The following SYNPO variants were observed in gnomAD, a reference collection of about 807,000 sequenced individuals.
SYNPO encodes the protein synaptopodin.
In SYNPO, 19 loss-of-function variants were observed where a neutral mutation model predicts 49.5. That is an observed-to-expected ratio of 0.38 (90% CI 0.27 to 0.56). The LOEUF is 0.56. Among genes scored for constraint, SYNPO ranks in the 20% least tolerant of loss-of-function variants. SYNPO has a pLI of 0.68. For synonymous variants in SYNPO, 536 were observed against 548.0 expected (o/e 0.98, Z 0.31); for missense variants, 1,131 against 1,248.3 (o/e 0.91, Z 1.42).
intron 2 of SYNPO, among the ~76,000 whole-genome samples, chr5:150,618,925 G>C (rs981959063): frequency 3.3e-5 from 5 of 152,088 alleles, no homozygotes; most frequent in Admixed American, 2.0e-4. Context: ...AGATAGGAGC[G>C]ACAGCGAGCT....
intron 1 of SYNPO, among the ~76,000 whole-genome samples, chr5:150,611,748 G>T (rs1756854122): frequency 6.6e-6 from 1 of 152,204 alleles, no homozygotes; most frequent in African/African-American, 2.4e-5. Context: ...TAGAAGAAGG[G>T]ATCGGGACCG....
At chr5:150,597,506 A>G (rs1221850228), upstream of SYNPO, among the ~76,000 whole-genome samples, 1 of 150,970 alleles carries the variant, frequency 6.6e-6, no homozygotes, top group Non-Finnish European at 1.5e-5. Context: ...TAATTTTTTT[A>G]TATTTTTAGT....
At chr5:150,636,000 G>C (rs1757703437), upstream of SYNPO, among the ~76,000 whole-genome samples, 1 of 152,126 alleles carries the variant, frequency 6.6e-6, no homozygotes, top group Admixed American at 6.6e-5. Flanking sequence ...ACCCCTTACA[G>C]TCCATATATC....
the SYNPO span, among the ~76,000 whole-genome samples, chr5:150,590,085 G>A: frequency 1.4e-4 from 22 of 152,344 alleles, no homozygotes; most frequent in East Asian, 9.6e-4. Flanking sequence ...CAAGCCTTGC[G>A]CTTTGGGCTG....
chr5:150,641,907 G>A (rs536977842), intron 1 of SYNPO, among the ~76,000 whole-genome samples: 32 of 152,342 alleles, frequency 2.1e-4, no homozygotes, highest in African/African-American at 7.2e-4. Flanking sequence ...CAAGAGCACT[G>A]GAGCCTCTCT....
intron 2 of SYNPO, chr5:150,650,969 C>T (rs1009519399): frequency 1.5e-5 from 19 of 1,252,194 alleles, no homozygotes; most frequent in Non-Finnish European, 1.8e-5. Flanking sequence ...GCGGACTCGG[C>T]CCACCACTGC....
chr5:150,633,662 G>A (rs1359724085), intron 2 of SYNPO, among the ~76,000 whole-genome samples: 1 of 152,244 alleles, frequency 6.6e-6, no homozygotes, highest in Non-Finnish European at 1.5e-5. Flanking sequence ...TGAACCATGT[G>A]CAGTGAGATC....
chr5:150,654,327 C>T (rs1225342682), intron 2 of SYNPO: 2 of 149,766 alleles, frequency 1.3e-5, no homozygotes, highest in African/African-American at 5.0e-5. Context: ...CAGTTCAAAC[C>T]GCTTAAACAT....
chr5:150,634,156 C>T (rs1033765011), intron 2 of SYNPO, among the ~76,000 whole-genome samples: 3 of 152,120 alleles, frequency 2.0e-5, no homozygotes, highest in Admixed American at 6.5e-5. Context: ...AGAACCCCTT[C>T]GGGAGCCTGT....
chr5:150,606,579 C>A (rs929255779), intron 1 of SYNPO, among the ~76,000 whole-genome samples: 1 of 152,222 alleles, frequency 6.6e-6, no homozygotes, highest in Non-Finnish European at 1.5e-5. Flanking sequence ...TCTTGCTCTG[C>A]GCCGGGCATG....
At chr5:150,622,352 G>C (rs920574343) in intron 2 of SYNPO, among the ~76,000 whole-genome samples, 1 of 152,216 alleles carries the variant, frequency 6.6e-6, no homozygotes, top group Non-Finnish European at 1.5e-5. Flanking sequence ...GAGGCAGCAG[G>C]CTGTGTTCTT....
chr5:150,611,674 G>A (rs1756850571), intron 1 of SYNPO, among the ~76,000 whole-genome samples: 1 of 152,234 alleles, frequency 6.6e-6, no homozygotes, highest in Non-Finnish European at 1.5e-5. Context: ...TGGGATGGTT[G>A]ATACTGATGG....
At chr5:150,645,669 C>G (rs1014197301) in intron 1 of SYNPO, among the ~76,000 whole-genome samples, 2 of 152,150 alleles carry the variant, frequency 1.3e-5, no homozygotes, top group Non-Finnish European at 2.9e-5. Context: ...GAGTAGACCA[C>G]TTGAGCATGG....
At chr5:150,641,583 C>T (rs1253133349) in intron 1 of SYNPO, among the ~76,000 whole-genome samples, 1 of 152,214 alleles carries the variant, frequency 6.6e-6, no homozygotes, top group Non-Finnish European at 1.5e-5. Flanking sequence ...CCACACGGGC[C>T]CCAGTGGTGG....
chr5:150,606,806 T>C (rs1019910817), intron 1 of SYNPO, among the ~76,000 whole-genome samples: 2 of 152,184 alleles, frequency 1.3e-5, no homozygotes, highest in African/African-American at 4.8e-5. Flanking sequence ...ACAGTTAGGC[T>C]GAGCGCCCCT....
In SYNPO at chr5:150,630,371, C is replaced by T. The variant is rs538888889; in HGVS notation, c.400+11604C>T. ...GAGGACACGCTTCATCCCTGAGCCT[C>T]CTGTCCTGCCTTCTGGGCCGCTTAG... On this transcript the variant is annotated intron_variant, in intron 2 of 2. Coordinates refer to the SYNPO transcript ENST00000394243. Among the ~76,000 whole-genome samples, 55 of 152,334 alleles carry T rather than the reference C, an allele frequency of 3.6e-4. 1 individual carries two copies. In the South Asian group the frequency reaches 0.011, roughly 32 times the overall value.
chr5:150,657,290 A>G lies in SYNPO; in HGVS notation c.*203A>G, dbSNP rs1056824121. The G allele has an allele frequency of 2.7e-5, 17 of 619,000 alleles. 1 individual carries two copies. Among genetic ancestry groups the G allele is most frequent in the Non-Finnish European group, 3.3e-5 (12 of 363,148 alleles). 38.3% of individuals were successfully genotyped at this position (619,000 alleles called of 1,614,324 possible). On this transcript the variant is annotated 3_prime_UTR_variant, in exon 3 of 3. Coordinates refer to ENST00000307662, the MANE Select transcript of SYNPO (RefSeq NM_007286.6). ...TTCAGCTGTTGTGTGACCCTGGGTA[A>G]GACCCTTCCTTGTTTGACCCTCAGC... is the stretch of plus-strand genomic sequence containing the variant.
At chr5:150,655,327 T>G (rs955871721) in intron 2 of SYNPO, among the ~76,000 whole-genome samples, 1 of 152,228 alleles carries the variant, frequency 6.6e-6, no homozygotes, top group Admixed American at 6.5e-5. Flanking sequence ...TCATGAGCTC[T>G]AGGCCCCACC....
At chr5:150,650,946 CCTT>C (rs1758357237) in intron 2 of SYNPO, 28 of 1,256,782 alleles carry the variant, frequency 2.2e-5, no homozygotes, top group Non-Finnish European at 2.5e-5. Flanking sequence ...CCTCCAGGGT[CCTT>C]CTGCTGGCTG....
Sources: allele counts gnomAD v4.1 joint callset (sites outside exome capture counted in the v4.1 genomes callset), GRCh38; gene constraint gnomAD v4.1.1; transcripts MANE v1.5; gene names NCBI Gene and HGNC (gene_info 2026-07-23, HGNC 2026-07-21).